Variants in COL5A1 observed in about 807,000 individuals in gnomAD.
COL5A1 encodes the protein collagen type V alpha 1 chain.
In COL5A1, 16 loss-of-function variants were observed where a neutral mutation model predicts 263.7. The ratio of observed to expected loss-of-function variants is 0.06; its 90% confidence interval spans 0.04 to 0.09. The LOEUF (loss-of-function observed/expected upper bound fraction) is 0.09. Among genes scored for constraint, COL5A1 ranks in the 10% least tolerant of loss-of-function variants. The pLI, the probability that COL5A1 is intolerant of heterozygous loss-of-function variation, is 1.00. For synonymous variants in COL5A1, 1,012 were observed against 1,004.5 expected (o/e 1.01, Z -0.14); for missense variants, 2,036 against 2,540.5 (o/e 0.80, Z 4.27).
rs1832176894 is a variant in COL5A1 at position 134,660,716 on chromosome 9, C to T, written c.109+18420C>T. Among the ~76,000 whole-genome samples the T allele has an allele frequency of 2.0e-5, 3 of 152,194 alleles. No individual in the cohort carries two copies. In the South Asian group the frequency reaches 6.2e-4, roughly 32 times the overall value. On this transcript the variant is annotated intron_variant, in intron 1 of 65. Coordinates refer to ENST00000371817, the MANE Select transcript of COL5A1 (RefSeq NM_000093.5). ...TCAAAACCATAACTTTCTTCTGTGC[C>T]TCAGTTTCTTCATGTGTAAAATGGA...
chr9:134,677,290 C>A lies in COL5A1; in HGVS notation c.110-13622C>A, dbSNP rs965043804. On this transcript the variant is annotated intron_variant, in intron 1 of 65. Transcript: ENST00000371817. The surrounding 1 kb of genome is among the most constrained non-coding windows in gnomAD (Gnocchi z 4.4). ...ACCAGTCATGGCTTCTCGGGGAAGG[C>A]AGGCCCTGGTATTACACCTCCTTTC... is the stretch of plus-strand genomic sequence containing the variant. Among the ~76,000 whole-genome samples, 3 of 152,170 alleles carry A rather than the reference C, an allele frequency of 2.0e-5. No individual in the cohort carries two copies. Among genetic ancestry groups the A allele is most frequent in the African/African-American group, 7.2e-5 (3 of 41,448 alleles).
At chr9:134,673,875 G>T (rs922719986) in intron 1 of COL5A1, among the ~76,000 whole-genome samples, 3 of 152,194 alleles carry the variant, frequency 2.0e-5, no homozygotes, top group Non-Finnish European at 4.4e-5. Context: ...CAGCATGGAG[G>T]CAAATGACCC....
rs553436274 is a variant in COL5A1 at position 134,750,323 on chromosome 9, C to T, written c.1495-219C>T. Among the ~76,000 whole-genome samples, 5 of 152,306 alleles carry T rather than the reference C, an allele frequency of 3.3e-5. No individual in the cohort carries two copies. In the South Asian group the frequency reaches 8.3e-4, roughly 25 times the overall value. On this transcript the variant is annotated intron_variant, in intron 11 of 65. Coordinates refer to ENST00000371817, the MANE Select transcript of COL5A1 (RefSeq NM_000093.5). ...AGCTCAGACCTCCCTCCCTTCTTAT[C>T]CCTCCCTCCAAAGCCTTTCCGATCC...
intron 4 of COL5A1, among the ~76,000 whole-genome samples, chr9:134,705,396 T>C (rs1436558342): frequency 2.6e-5 from 4 of 152,336 alleles, no homozygotes; most frequent in Admixed American, 2.6e-4. Flanking sequence ...CCTCACTGCC[T>C]CCCAGCCCCT....
At chr9:134,833,758 G>A (rs1396124065) in intron 64 of COL5A1, among the ~76,000 whole-genome samples, 1 of 152,214 alleles carries the variant, frequency 6.6e-6, no homozygotes, top group South Asian at 2.1e-4. Flanking sequence ...GCTGCTCACA[G>A]TCTCCCTGGC....
At chr9:134,839,114 G>A (rs868263974) in intron 65 of COL5A1, among the ~76,000 whole-genome samples, 10 of 152,254 alleles carry the variant, frequency 6.6e-5, no homozygotes, top group South Asian at 2.1e-4. Flanking sequence ...AATAACGGCC[G>A]AAGAAATTGG....
At chr9:134,733,106 T>C (rs1198738758) in intron 9 of COL5A1, among the ~76,000 whole-genome samples, 1 of 152,222 alleles carries the variant, frequency 6.6e-6, no homozygotes, top group Admixed American at 6.5e-5. Context: ...GGCAGCTGTT[T>C]GTTCTGCCGC....
chr9:134,794,408 C>T lies in COL5A1; in HGVS notation c.2701-674C>T, dbSNP rs945799281. Among the ~76,000 whole-genome samples the T allele has an allele frequency of 2.6e-5, 4 of 152,012 alleles. No individual in the cohort carries two copies. The highest frequency in any genetic ancestry group is 5.9e-5 in the Non-Finnish European group (4 of 68,008). On this transcript the variant is annotated intron_variant, in intron 32 of 65. Transcript: ENST00000371817. The surrounding 1 kb of genome is among the most constrained non-coding windows in gnomAD (Gnocchi z 4.3). ...ACGGTGGGGGATGTAGGGGCCCCTG[C>T]GTGTTCAGCCCGTGGCTTCCGTGTA... is the stretch of plus-strand genomic sequence containing the variant.
chr9:134,674,702 G>A (rs1370664930), intron 1 of COL5A1, among the ~76,000 whole-genome samples: 1 of 152,066 alleles, frequency 6.6e-6, no homozygotes, highest in Non-Finnish European at 1.5e-5. Flanking sequence ...CCTAGCCAAC[G>A]TGGCAAAACC....
intron 1 of COL5A1, among the ~76,000 whole-genome samples, chr9:134,659,182 A>G (rs913111200): frequency 5.9e-5 from 9 of 152,248 alleles, no homozygotes; most frequent in Admixed American, 5.9e-4. Context: ...TCACAAGGTC[A>G]GGAATTTGAG....
intron 1 of COL5A1, among the ~76,000 whole-genome samples, chr9:134,657,319 T>C (rs1275356203): frequency 2.8e-5 from 1 of 36,100 alleles, no homozygotes; most frequent in Non-Finnish European, 5.3e-5. Flanking sequence ...GGGGGTGGGG[T>C]GTAGGTGTAG....
intron 4 of COL5A1, chr9:134,709,327 C>G: frequency 3.4e-6 from 1 of 290,440 alleles, no homozygotes; most frequent in South Asian, 3.2e-5. Flanking sequence ...GGGGGCTACT[C>G]CTGGCTAGCA....
chr9:134,791,804 C>T (rs931194820), intron 32 of COL5A1, among the ~76,000 whole-genome samples: 22 of 152,066 alleles, frequency 1.4e-4, no homozygotes, highest in South Asian at 2.1e-4. Flanking sequence ...ACATGCATCG[C>T]GAGTCCTTTC....
chr9:134,786,099 C>T lies in COL5A1; in HGVS notation c.2646+51C>T, dbSNP rs765562477. On this transcript the variant is annotated intron_variant, in intron 31 of 65. Transcript: ENST00000371817. ...CCGGGACAGGCGGAGGGATGTTCTG[C>T]CCGGTCTCCCCACCCTGCATCCGGC... is the stretch of plus-strand genomic sequence containing the variant. The T allele has an allele frequency of 2.7e-6, 4 of 1,488,296 alleles. No individual in the cohort carries two copies. The African/African-American group carries it at 4.2e-5, about 15-fold the overall frequency. The allele number at this position is 1,488,296 out of a possible 1,614,324, so 92.2% of individuals were successfully genotyped here.
In COL5A1 at chr9:134,772,096, C is replaced by T. The variant is rs535783376; in HGVS notation, c.2287-694C>T. 2.2e-3 allele frequency among the ~76,000 whole-genome samples: 334 copies of T among 152,306 alleles called. 1 individual carries two copies. Among genetic ancestry groups the T allele is most frequent in the Admixed American group, 7.3e-3 (112 of 15,298 alleles). ...CACATGGGGCATAGGTCCTCACCTT[C>T]GCTCAGCTCCCCTCCATCCCCGAGG... On this transcript the variant is annotated intron_variant, in intron 25 of 65. Transcript: ENST00000371817.
chr9:134,774,647 G>A (rs543807100), intron 26 of COL5A1, among the ~76,000 whole-genome samples: 1 of 152,288 alleles, frequency 6.6e-6, no homozygotes, highest in Middle Eastern at 3.4e-3. Context: ...TCTGTGTCCC[G>A]CTCAGCATGA....
At chr9:134,798,688 A>G (rs2132812396) in intron 37 of COL5A1, among the ~76,000 whole-genome samples, 1 of 152,316 alleles carries the variant, frequency 6.6e-6, no homozygotes, top group African/African-American at 2.4e-5. Flanking sequence ...GCCTTATGGC[A>G]TCTGTGGGCA....
Position 134,647,199 on chromosome 9 carries a change from G to A in COL5A1, c.109+4903G>A, listed in dbSNP as rs1564362743. 1.3e-5 allele frequency among the ~76,000 whole-genome samples: 2 copies of A among 152,214 alleles called. No individual in the cohort carries two copies. The highest frequency in any genetic ancestry group is 2.4e-5 in the African/African-American group (1 of 41,452). ...CTGAGACCCCTGGGGCTCTGCTGTT[G>A]CCCGCTTAGCCGGTCTCTGCTGCCC... On this transcript the variant is annotated intron_variant, in intron 1 of 65. Transcript: ENST00000371817. This position sits in a 1 kb window ranked among gnomAD's most constrained non-coding sequence, Gnocchi z 5.0.
intron 4 of COL5A1, among the ~76,000 whole-genome samples, chr9:134,722,347 G>A (rs1047897108): frequency 4.6e-5 from 7 of 152,342 alleles, no homozygotes; most frequent in African/African-American, 1.4e-4. Flanking sequence ...CTTCGTGGGT[G>A]TTCGTTACCT....
Sources: gnomAD v4.1 joint callset for allele counts (sites outside exome capture counted in the v4.1 genomes callset) on GRCh38, gnomAD v4.1.1 for gene constraint, Gnocchi (gnomAD v3.1) non-coding constraint, MANE v1.5 for transcripts, NCBI Gene and HGNC (gene_info 2026-07-23, HGNC 2026-07-21) for gene names.